SFXN5: variants seen among roughly 807,000 people sequenced by gnomAD.
The protein encoded by SFXN5 is sideroflexin 5, also known as sideroflexin-5.
Under a neutral mutation model 50.2 loss-of-function variants are expected in SFXN5, and 43 were observed. That is an observed-to-expected ratio of 0.86 (90% CI 0.67 to 1.11). The LOEUF is 1.11. SFXN5 is among the 50% of genes least tolerant of loss of function. The probability of loss-of-function intolerance (pLI) is 0.00; values close to 1 mark genes in which losing one functional copy is unlikely to be tolerated. For missense variants in SFXN5, 463 were observed against 454.1 expected (o/e 1.02, Z -0.18); for synonymous variants, 203 against 185.8 (o/e 1.09, Z -0.75).
chr2:73,010,416 C>T (rs949235634), intron 6 of SFXN5, among the ~76,000 whole-genome samples: 9 of 152,130 alleles, frequency 5.9e-5, no homozygotes, highest in East Asian at 1.9e-4. Flanking sequence ...GCAGCCATCT[C>T]GGGCTATGGG....
intron 9 of SFXN5, chr2:72,996,909 C>T (rs1371255671): frequency 1.3e-5 from 2 of 152,246 alleles, no homozygotes; most frequent in African/African-American, 2.4e-5. Context: ...CTAAGCTAAG[C>T]AGACCATCAG....
At chr2:73,016,778 T>G (rs1356863626) in intron 6 of SFXN5, among the ~76,000 whole-genome samples, 1 of 152,064 alleles carries the variant, frequency 6.6e-6, no homozygotes, top group Non-Finnish European at 1.5e-5. Flanking sequence ...TGCAAAAGGG[T>G]GTACGGATGC....
chr2:72,991,316 G>A (rs1359679140), intron 9 of SFXN5, among the ~76,000 whole-genome samples: 1 of 152,246 alleles, frequency 6.6e-6, no homozygotes, highest in East Asian at 1.9e-4. Context: ...AGTCACCAGG[G>A]TCTCCCAGCA....
chr2:73,027,850 C>T (rs995415341), intron 3 of SFXN5, among the ~76,000 whole-genome samples: 52 of 151,814 alleles, frequency 3.4e-4, no homozygotes, highest in Admixed American at 3.2e-3. Context: ...TTTGTAGAAA[C>T]GTGGTCTCCC....
intron 9 of SFXN5, among the ~76,000 whole-genome samples, chr2:72,995,794 T>G (rs1673150435): frequency 6.6e-6 from 1 of 151,778 alleles, no homozygotes; most frequent in Non-Finnish European, 1.5e-5. Flanking sequence ...GAAAGGAAAA[T>G]AAAATAAAGC....
chr2:73,033,108 C>A (rs940639973), intron 3 of SFXN5, among the ~76,000 whole-genome samples: 2 of 152,178 alleles, frequency 1.3e-5, no homozygotes, highest in African/African-American at 2.4e-5. Context: ...TAGGGCAATA[C>A]GCTTAATCTT....
intron 2 of SFXN5, among the ~76,000 whole-genome samples, chr2:73,042,026 A>T (rs1428224963): frequency 6.6e-6 from 1 of 152,218 alleles, no homozygotes; most frequent in African/African-American, 2.4e-5. Context: ...AGTAGCACTT[A>T]TATATTTTCA....
intron 9 of SFXN5, chr2:72,998,646 G>A (rs1024629503): frequency 4.0e-5 from 16 of 395,472 alleles, no homozygotes; most frequent in Admixed American, 4.0e-4. Context: ...AGCATGAGGA[G>A]CAGCTCTTCC....
In SFXN5 at chr2:72,973,024, AG is replaced by A. The variant is rs1670212525; in HGVS notation, c.626-1340del. Among the ~76,000 whole-genome samples, 1 of 152,084 alleles carries A rather than the reference AG, an allele frequency of 6.6e-6. No homozygotes were observed. The highest frequency in any genetic ancestry group is 2.1e-4 in the South Asian group (1 of 4,824). On this transcript the variant is annotated intron_variant, in intron 10 of 13. Coordinates refer to ENST00000272433, the MANE Select transcript of SFXN5 (RefSeq NM_144579.3). This position sits in a 1 kb window ranked among gnomAD's most constrained non-coding sequence, Gnocchi z 5.5. ...TGGGGCCTGAGCCAACGAGTGGTCC[AG>A]GGTGCTCACAGCTGGGGCACAGGGT...
At chr2:73,007,268 A>G in intron 6 of SFXN5, among the ~76,000 whole-genome samples, 1 of 152,302 alleles carries the variant, frequency 6.6e-6, no homozygotes, top group South Asian at 2.1e-4. Flanking sequence ...AAGCGTGGGA[A>G]ACCTGGAGAG....
chr2:73,044,557 C>T (rs1162813520), intron 2 of SFXN5: 1 of 152,352 alleles, frequency 6.6e-6, no homozygotes, highest in African/African-American at 2.4e-5. Context: ...GCCCCTGGAC[C>T]GTGAGGCTCA....
intron 2 of SFXN5, chr2:73,049,605 T>A (rs975129130): frequency 1.3e-5 from 2 of 152,228 alleles, no homozygotes; most frequent in African/African-American, 4.8e-5. Flanking sequence ...GGGACCCTCA[T>A]GGCCTAATTG....
At chr2:72,946,562 G>T (rs773890523) in intron 13 of SFXN5, among the ~76,000 whole-genome samples, 1 of 152,042 alleles carries the variant, frequency 6.6e-6, no homozygotes, top group Non-Finnish European at 1.5e-5. Flanking sequence ...GTTCACAGCC[G>T]CCTGCCTGCC....
intron 2 of SFXN5, 33 bp downstream of exon 2, chr2:73,058,495 C>A (rs1474080139): frequency 6.2e-7 from 1 of 1,605,362 alleles, no homozygotes; most frequent in Non-Finnish European, 8.5e-7. Context: ...GTACAAAGGC[C>A]CAAGGGCCAC....
chr2:72,957,094 T>C (rs1414020574), intron 13 of SFXN5: 2 of 456,656 alleles, frequency 4.4e-6, no homozygotes, highest in South Asian at 3.1e-5. Context: ...CTTGATGGTT[T>C]TTCTTCCTCC....
intron 10 of SFXN5, among the ~76,000 whole-genome samples, chr2:72,978,750 G>A (rs1670941948): frequency 6.6e-6 from 1 of 152,030 alleles, no homozygotes. Context: ...CCATGTCTGG[G>A]TACACACGCT....
rs1670260554 is a variant in SFXN5 at position 72,973,414 on chromosome 2, G to T, written c.626-1729C>A. On this transcript the variant is annotated intron_variant, in intron 10 of 13. Transcript: ENST00000272433. The surrounding 1 kb of genome is among the most constrained non-coding windows in gnomAD (Gnocchi z 5.5). ...AGTGATTGTGATCTAGGGGTCAGGGGTTGCTGCAGGCATCTGGTGGATAGA... is the reference window on the plus strand; with the variant it reads ...AGTGATTGTGATCTAGGGGTCAGGGTTTGCTGCAGGCATCTGGTGGATAGA... 5.9e-6 allele frequency: 1 copy of T among 169,192 alleles called. No individual in the cohort carries two copies. The highest frequency in any genetic ancestry group is 2.0e-4 in the South Asian group (1 of 4,920). The allele number at this position is 169,192 out of a possible 1,614,324, so 10.5% of individuals were successfully genotyped here.
At chr2:73,067,302 C>T (rs1683248209) in intron 1 of SFXN5, among the ~76,000 whole-genome samples, 1 of 152,146 alleles carries the variant, frequency 6.6e-6, no homozygotes, top group African/African-American at 2.4e-5. Context: ...ATGACTGCCG[C>T]AGACCAGAGG....
At chr2:73,071,429 GC>G in intron 1 of SFXN5, 174 bp downstream of exon 1, 1 of 601,416 alleles carries the variant, frequency 1.7e-6, no homozygotes, top group Non-Finnish European at 2.9e-6. Context: ...GTCCGCGCCC[GC>G]CCCGTTGACC....
Sources: allele counts gnomAD v4.1 joint callset (sites outside exome capture counted in the v4.1 genomes callset), GRCh38; gene constraint gnomAD v4.1.1; non-coding constraint Gnocchi (gnomAD v3.1); transcripts MANE v1.5; gene names NCBI Gene and HGNC (gene_info 2026-07-23, HGNC 2026-07-21).